The following KRT8 variants were observed in gnomAD, a reference collection of about 807,000 sequenced individuals.
The protein encoded by KRT8 is keratin 8, also known as keratin, type II cytoskeletal 8.
Under a neutral mutation model 43.0 loss-of-function variants are expected in KRT8, and 24 were observed. The observed-to-expected ratio is 0.56, with a 90% CI of 0.40 to 0.78. KRT8 has a LOEUF of 0.78. KRT8 is among the 30% of genes least tolerant of loss of function. KRT8 has a pLI of 0.00. For missense variants in KRT8, 492 were observed against 638.4 expected (o/e 0.77, Z 2.47); for synonymous variants, 214 against 261.2 (o/e 0.82, Z 1.74).
rs1396344259 is a variant in KRT8, at chr12:52,918,114, AGAAGAG to A, written c.-46-13093_-46-13088del. ...AAGAAGAAGAGGAAGAAGAAGAAGA[AGAAGAG>A]GAAGAAGAAGGAGGGGGAGAGGGAG... On this transcript the variant is annotated intron_variant, in intron 2 of 6. Transcript: ENST00000546826. Among the ~76,000 whole-genome samples, 45 of 145,946 alleles carry A rather than the reference AGAAGAG, an allele frequency of 3.1e-4. 3 individuals are homozygous for A. Among genetic ancestry groups the A allele is most frequent in the African/African-American group, 1.1e-3 (44 of 38,830 alleles).
chr12:52,904,899 C>G, exon 1 of KRT8: 2 of 1,612,770 alleles, frequency 1.2e-6, no homozygotes, highest in Non-Finnish European at 1.7e-6. Context: ...GGAACCGGGC[C>G]CACTCGTGTA....
chr12:52,934,778 G>A (rs949199623), intron 2 of KRT8, among the ~76,000 whole-genome samples: 3 of 151,992 alleles, frequency 2.0e-5, no homozygotes, highest in African/African-American at 7.3e-5. Context: ...AGACCAGCCT[G>A]ATCAACATGG....
At chr12:52,913,694 C>T (rs1292907346) in intron 2 of KRT8, among the ~76,000 whole-genome samples, 3 of 152,134 alleles carry the variant, frequency 2.0e-5, no homozygotes, top group African/African-American at 7.2e-5. Flanking sequence ...CATGGCCTGA[C>T]GCACACGCCA....
rs182375009 is a variant in KRT8, at chr12:52,944,799, G to A, written c.-47+4657C>T. Among the ~76,000 whole-genome samples, 512 of 152,258 alleles carry A rather than the reference G, an allele frequency of 3.4e-3. 3 individuals carry two copies. Among genetic ancestry groups the A allele is most frequent in the Middle Eastern group, 3.4e-3 (1 of 294 alleles). On this transcript the variant is annotated intron_variant, in intron 2 of 6. Transcript: ENST00000546826. ...CGACTCTCCCACCCCTGGGGAAGAG[G>A]GCCTGGCCCAAGCCCTGAGAACCCG...
chr12:52,908,501 T>C (rs1941569356), upstream of KRT8, among the ~76,000 whole-genome samples: 1 of 152,298 alleles, frequency 6.6e-6, no homozygotes, highest in Non-Finnish European at 1.5e-5. Context: ...CTGATGCATG[T>C]TGGATGCAGA....
At chr12:52,941,565 C>A (rs192327009) in intron 2 of KRT8, among the ~76,000 whole-genome samples, 3 of 148,622 alleles carry the variant, frequency 2.0e-5, no homozygotes, top group African/African-American at 7.5e-5. Flanking sequence ...CTCAGCTCAC[C>A]GCAACCTCCA....
At chr12:52,938,279 G>A (rs1255281167) in intron 2 of KRT8, among the ~76,000 whole-genome samples, 2 of 143,896 alleles carry the variant, frequency 1.4e-5, no homozygotes, top group East Asian at 2.1e-4. Flanking sequence ...AGTGATTCTC[G>A]TGCCTTGGCC....
chr12:52,927,840 A>G (rs1942019685), intron 2 of KRT8, among the ~76,000 whole-genome samples: 2 of 152,164 alleles, frequency 1.3e-5, no homozygotes, highest in African/African-American at 4.8e-5. Flanking sequence ...GCACTTTGGG[A>G]GGCCAAAACA....
chr12:52,926,581 G>C, intron 2 of KRT8: 1 of 835,288 alleles, frequency 1.2e-6, no homozygotes, highest in Non-Finnish European at 1.9e-6. Context: ...CCCTGGGCTG[G>C]GTTACACTTG....
At chr12:52,917,439 G>A (rs140100580) in intron 2 of KRT8, among the ~76,000 whole-genome samples, 2,354 of 151,910 alleles carry the variant, frequency 0.015, 51 homozygotes, top group African/African-American at 0.054. Flanking sequence ...TGAGTGTGGT[G>A]GCTCACACCT....
intron 1 of KRT8, among the ~76,000 whole-genome samples, chr12:52,902,746 T>C (rs1408112958): frequency 6.6e-6 from 1 of 151,560 alleles, no homozygotes; most frequent in Non-Finnish European, 1.5e-5. Context: ...GCGTGGAGGC[T>C]CACGCTTGTA....
chr12:52,925,606 G>A lies in KRT8; in HGVS notation c.-46-20579C>T, dbSNP rs1359731633. Among the ~76,000 whole-genome samples the A allele has an allele frequency of 2.0e-5, 3 of 152,152 alleles. No homozygotes were observed. In the East Asian group the frequency reaches 5.8e-4, roughly 29 times the overall value. Reference sequence around the variant, plus strand: ...TCTTTGGCGGAGGTGGGGTCAAAGAGATAGATTAGGATGATTCATCTCCAC... The same window carrying A: ...TCTTTGGCGGAGGTGGGGTCAAAGAAATAGATTAGGATGATTCATCTCCAC... On this transcript the variant is annotated intron_variant, in intron 2 of 6. Transcript: ENST00000546826.
chr12:52,906,991 T>TACACACACAC, upstream of KRT8: 1 of 291,992 alleles, frequency 3.4e-6, no homozygotes, highest in South Asian at 3.3e-5. Context: ...CACGCGTGCA[T>TACACACACAC]ACACACACAC....
At chr12:52,913,646 T>C (rs1941678221) in intron 2 of KRT8, among the ~76,000 whole-genome samples, 1 of 147,602 alleles carries the variant, frequency 6.8e-6, no homozygotes, top group South Asian at 2.2e-4. Context: ...TCACACACTC[T>C]CTCAGGTTCA....
chr12:52,947,282 C>G (rs1942360161), intron 2 of KRT8: 1 of 152,180 alleles, frequency 6.6e-6, no homozygotes, highest in Admixed American at 6.5e-5. Context: ...TTGGAGGATG[C>G]AGTCCCCTGG....
rs916123463 is a variant in KRT8, at chr12:52,931,136, C to T, written c.-47+18320G>A. Among the ~76,000 whole-genome samples the T allele has an allele frequency of 2.1e-4, 31 of 150,840 alleles. No homozygotes were observed. The East Asian group carries it at 4.5e-3, about 22-fold the overall frequency. ...AGGCTGCAGTGCAGTGGCATGATCTCGGCTCACTGCAAGCTCCGCCTCCCG... is the reference window on the plus strand; with the variant it reads ...AGGCTGCAGTGCAGTGGCATGATCTTGGCTCACTGCAAGCTCCGCCTCCCG... On this transcript the variant is annotated intron_variant, in intron 2 of 6. Coordinates refer to the KRT8 transcript ENST00000546826.
chr12:52,915,636 G>A (rs1376710179), intron 2 of KRT8, among the ~76,000 whole-genome samples: 3 of 151,978 alleles, frequency 2.0e-5, no homozygotes, highest in East Asian at 1.9e-4. Context: ...CTTGAACCCA[G>A]GAGGCAGAGG....
intron 7 of KRT8, 53 bp downstream of exon 7, chr12:52,898,408 G>A (rs1941269348): frequency 6.6e-7 from 1 of 1,512,218 alleles, no homozygotes; most frequent in Non-Finnish European, 9.1e-7. Context: ...CTGGAGCTGA[G>A]GCCTCCCTGG....
At position 52,923,599 on chromosome 12, in the gene KRT8, T is replaced by C. The variant is rs1383157117; in HGVS notation, c.-46-18572A>G. ...CACGCCTGGCTAATTTTTGTATTTT[T>C]AGTAGAGACGGGATTTCACCTTGTT... On this transcript the variant is annotated intron_variant, in intron 2 of 6. Coordinates refer to the KRT8 transcript ENST00000546826. 4.0e-5 allele frequency among the ~76,000 whole-genome samples: 6 copies of C among 150,580 alleles called. No individual in the cohort carries two copies. The East Asian group carries it at 1.2e-3, about 30-fold the overall frequency.
Sources: gnomAD v4.1 joint callset for allele counts (sites outside exome capture counted in the v4.1 genomes callset) on GRCh38, gnomAD v4.1.1 for gene constraint, MANE v1.5 for transcripts, NCBI Gene and HGNC (gene_info 2026-07-23, HGNC 2026-07-21) for gene names.